MAP3K21: variants seen among roughly 807,000 people sequenced by gnomAD.
MAP3K21 encodes mitogen-activated protein kinase kinase kinase 21, also known as mitogen-activated protein kinase kinase kinase MLK4.
In MAP3K21, 63 loss-of-function variants were observed where a neutral mutation model predicts 86.1. That is an observed-to-expected ratio of 0.73 (90% CI 0.60 to 0.90). The LOEUF (loss-of-function observed/expected upper bound fraction) is 0.90, where lower values mean the gene tolerates loss of function less well. Ranked by LOEUF, MAP3K21 falls within the 40% of genes least tolerant of loss-of-function variation. MAP3K21 has a pLI of 0.00. For synonymous variants in MAP3K21, 558 were observed against 564.8 expected (o/e 0.99, Z 0.17); for missense variants, 1,220 against 1,367.7 (o/e 0.89, Z 1.70).
chr1:233,334,627 G>A (rs1359131786), intron 1 of MAP3K21, among the ~76,000 whole-genome samples: 3 of 152,088 alleles, frequency 2.0e-5, no homozygotes, highest in South Asian at 2.1e-4. Context: ...CAGGCATTTC[G>A]CATGTGGTCA....
In MAP3K21 at chr1:233,378,912, T is replaced by C. The variant is rs1367966613; in HGVS notation, c.1925-19T>C. The C allele has an allele frequency of 4.5e-6, 7 of 1,560,770 alleles. No individual in the cohort carries two copies. The highest frequency in any genetic ancestry group is 6.1e-6 in the Non-Finnish European group (7 of 1,145,034). On this transcript the variant is annotated intron_variant, in intron 8 of 9. Transcript: ENST00000366624. ...CTGTAAAATGATACTACAGTGTATG[T>C]ACTTATACCTTTATTTAGGGTCCTG...
intron 1 of MAP3K21, among the ~76,000 whole-genome samples, chr1:233,338,465 G>A (rs752049147): frequency 5.3e-5 from 8 of 152,176 alleles, no homozygotes; most frequent in Non-Finnish European, 1.2e-4. Flanking sequence ...TTGGAGAGTG[G>A]TAAGTGCTTA....
intron 1 of MAP3K21, among the ~76,000 whole-genome samples, chr1:233,341,292 C>G (rs1337328511): frequency 1.3e-5 from 2 of 152,172 alleles, no homozygotes; most frequent in African/African-American, 4.8e-5. Flanking sequence ...AACCATGTGT[C>G]TTTAGGCTGA....
rs1663962405 is a variant in MAP3K21 at position 233,383,900 on chromosome 1, T to G, written c.*1189T>G. On this transcript the variant is annotated 3_prime_UTR_variant, in exon 10 of 10. Transcript: ENST00000366624. ...GGATCTTTGAATAGCAGATCAGGAT[T>G]TAAATAATAAAATTATCTATGAATC... 1 of 152,194 alleles carries G rather than the reference T, an allele frequency of 6.6e-6. No individual in the cohort carries two copies. The highest frequency in any genetic ancestry group is 6.5e-5 in the Admixed American group (1 of 15,276). 9.4% of individuals were successfully genotyped at this position (152,194 alleles called of 1,614,324 possible). A position where few individuals can be genotyped will look rare whatever the true frequency, so the allele number is the denominator to read the frequency against.
At chr1:233,343,862 A>G (rs1663083997) in intron 1 of MAP3K21, among the ~76,000 whole-genome samples, 1 of 152,178 alleles carries the variant, frequency 6.6e-6, no homozygotes, top group African/African-American at 2.4e-5. Context: ...AGTTTTTACT[A>G]AAACTAACAT....
At chr1:233,345,087 T>C (rs1326994054) in intron 1 of MAP3K21, among the ~76,000 whole-genome samples, 2 of 152,174 alleles carry the variant, frequency 1.3e-5, no homozygotes, top group African/African-American at 4.8e-5. Flanking sequence ...AAACAACAGA[T>C]GCTGGAGAGA....
chr1:233,364,079 T>C (rs1449206850), intron 5 of MAP3K21, among the ~76,000 whole-genome samples: 1 of 152,064 alleles, frequency 6.6e-6, no homozygotes, highest in Non-Finnish European at 1.5e-5. Context: ...GAGTCCAGTA[T>C]ATGTTATTGA....
chr1:233,384,485 T>A lies in MAP3K21; in HGVS notation c.*1774T>A, dbSNP rs1478185018. ...ATTGAATTATGTAACAGAGATTTGG[T>A]TTTCCCAAAATGTTATCACATTTGA... On this transcript the variant is annotated 3_prime_UTR_variant, in exon 10 of 10. Coordinates refer to ENST00000366624, the MANE Select transcript of MAP3K21 (RefSeq NM_032435.3). 6.6e-6 allele frequency: 1 copy of A among 152,232 alleles called. No individual in the cohort carries two copies. The highest frequency in any genetic ancestry group is 2.4e-5 in the African/African-American group (1 of 41,464). The allele number at this position is 152,232 out of a possible 1,614,324, so 9.4% of individuals were successfully genotyped here. A position where few individuals can be genotyped will look rare whatever the true frequency, so the allele number is the denominator to read the frequency against.
At chr1:233,358,208 G>A (rs1663401358) in intron 4 of MAP3K21, among the ~76,000 whole-genome samples, 1 of 151,928 alleles carries the variant, frequency 6.6e-6, no homozygotes, top group East Asian at 1.9e-4. Context: ...AGTCCTGTAT[G>A]CAAAGCAGCC....
At chr1:233,337,724 G>A (rs961155806) in intron 1 of MAP3K21, among the ~76,000 whole-genome samples, 2 of 152,166 alleles carry the variant, frequency 1.3e-5, no homozygotes, top group Non-Finnish European at 2.9e-5. Flanking sequence ...GCCTGCTGGT[G>A]ACTTGGGTTG....
intron 1 of MAP3K21, among the ~76,000 whole-genome samples, chr1:233,330,872 A>G (rs541434464): frequency 2.6e-5 from 4 of 152,220 alleles, no homozygotes; most frequent in Non-Finnish European, 5.9e-5. Context: ...ATCCATTCCT[A>G]TGGGTTAATC....
chr1:233,331,794 C>T (rs991207143), intron 1 of MAP3K21, among the ~76,000 whole-genome samples: 1 of 152,114 alleles, frequency 6.6e-6, no homozygotes, highest in African/African-American at 2.4e-5. Context: ...TTTATCATAT[C>T]TTGTGAGGGA....
Position 233,379,709 on chromosome 1 carries a change from A to G in MAP3K21, c.2703A>G (p.Pro901=). 2 of 1,605,886 alleles carry G rather than the reference A, an allele frequency of 1.2e-6. No homozygotes were observed. Among genetic ancestry groups the G allele is most frequent in the Non-Finnish European group, 1.7e-6 (2 of 1,176,608 alleles). The change falls in exon 9 of 10, where the codon CCA becomes CCG. Residue 901 remains proline, a splice_region_variant and synonymous_variant. Coordinates refer to ENST00000366624, the MANE Select transcript of MAP3K21 (RefSeq NM_032435.3). ...CCATGTCTGATGGAAATCCGACCCC[A>G]AGTAGGTTGCATTAATTAGGTAAAA... is the stretch of plus-strand genomic sequence containing the variant. ...RRTMSDGNPT[P]TGATIISATG...
chr1:233,352,403 A>C (rs2102752606), intron 2 of MAP3K21, among the ~76,000 whole-genome samples: 1 of 150,990 alleles, frequency 6.6e-6, no homozygotes, highest in South Asian at 2.1e-4. Flanking sequence ...GCGTTAAAAC[A>C]GGGGTACTTA....
In MAP3K21 at chr1:233,383,736, C is replaced by T. The variant is rs533727452; in HGVS notation, c.*1025C>T. The T allele has an allele frequency of 2.6e-5, 4 of 152,258 alleles. No individual in the cohort carries two copies. Among genetic ancestry groups the T allele is most frequent in the Non-Finnish European group, 5.9e-5 (4 of 67,996 alleles). 9.4% of individuals were successfully genotyped at this position (152,258 alleles called of 1,614,324 possible). ...CCAAAGACACTGACAACTCAAGGAA[C>T]AGCAGTACAGTACTATTAGAAGTTA... is the stretch of plus-strand genomic sequence containing the variant. On this transcript the variant is annotated 3_prime_UTR_variant, in exon 10 of 10. Transcript: ENST00000366624.
At chr1:233,349,661 G>A (rs1350350910) in intron 2 of MAP3K21, among the ~76,000 whole-genome samples, 2 of 152,118 alleles carry the variant, frequency 1.3e-5, no homozygotes, top group African/African-American at 2.4e-5. Context: ...GATACCAGCC[G>A]GGCATGGTGG....
intron 1 of MAP3K21, among the ~76,000 whole-genome samples, chr1:233,339,350 C>CTTCTT (rs1558451088): frequency 3.7e-5 from 3 of 80,876 alleles, no homozygotes; most frequent in Non-Finnish European, 4.9e-5. Flanking sequence ...TCCCTCTTCT[C>CTTCTT]CCTCTTCTCC....
At chr1:233,341,279 G>GC (rs1663035249) in intron 1 of MAP3K21, among the ~76,000 whole-genome samples, 1 of 152,192 alleles carries the variant, frequency 6.6e-6, no homozygotes, top group African/African-American at 2.4e-5. Flanking sequence ...GAAGTTGGCT[G>GC]CCAACCATGT....
intron 5 of MAP3K21, among the ~76,000 whole-genome samples, chr1:233,363,592 C>T (rs1008101409): frequency 1.3e-5 from 2 of 151,770 alleles, no homozygotes. Context: ...ATCCCAGCTA[C>T]TCGGGAGGCT....
Sources: gnomAD v4.1 joint callset for allele counts (sites outside exome capture counted in the v4.1 genomes callset) on GRCh38, gnomAD v4.1.1 for gene constraint, MANE v1.5 for transcripts, NCBI Gene and HGNC (gene_info 2026-07-23, HGNC 2026-07-21) for gene names.